GLDC: variants seen among roughly 807,000 people sequenced by gnomAD.
GLDC encodes the protein glycine dehydrogenase (decarboxylating), mitochondrial.
A neutral mutation model predicts 121.3 loss-of-function variants in GLDC; 104 were observed. That is an observed-to-expected ratio of 0.86 (90% CI 0.73 to 1.01). The LOEUF (loss-of-function observed/expected upper bound fraction) is 1.01, where lower values mean the gene tolerates loss of function less well. GLDC is among the 50% of genes least tolerant of loss of function. GLDC has a pLI of 0.00. For missense variants in GLDC, 1,429 were observed against 1,306.6 expected (o/e 1.09, Z -1.44); for synonymous variants, 546 against 480.6 (o/e 1.14, Z -1.78).
intron 14 of GLDC, among the ~76,000 whole-genome samples, chr9:6,588,105 T>C (rs533948890): frequency 9.3e-6 from 1 of 108,096 alleles, no homozygotes; most frequent in South Asian, 3.5e-4. Context: ...GCTTTTAATA[T>C]GACAGGTTTA....
intron 21 of GLDC, among the ~76,000 whole-genome samples, chr9:6,549,564 T>C (rs1354894176): frequency 6.6e-6 from 1 of 152,126 alleles, no homozygotes; most frequent in East Asian, 1.9e-4. Context: ...GGCGTTTTGT[T>C]CTGGCTTCTC....
At chr9:6,588,998 G>A (rs1025428674) in intron 12 of GLDC, among the ~76,000 whole-genome samples, 197 bp downstream of exon 12, 4 of 152,174 alleles carry the variant, frequency 2.6e-5, no homozygotes, top group African/African-American at 9.6e-5. Context: ...TGACTGCCAA[G>A]GGAGCAGAGC....
chr9:6,605,400 C>T (rs1818709583), intron 5 of GLDC, 122 bp from the exon 6 acceptor site: 4 of 920,404 alleles, frequency 4.3e-6, no homozygotes, highest in Non-Finnish European at 6.9e-6. Context: ...CCTCCCACCC[C>T]TGCCCACATC....
intron 18 of GLDC, among the ~76,000 whole-genome samples, chr9:6,555,234 G>T (rs568259255): frequency 6.6e-6 from 1 of 152,318 alleles, no homozygotes; most frequent in East Asian, 1.9e-4. Context: ...GATGGAAGGG[G>T]CTGCGGGGGC....
At chr9:6,544,807 A>C (rs1292309198) in intron 21 of GLDC, among the ~76,000 whole-genome samples, 1 of 152,168 alleles carries the variant, frequency 6.6e-6, no homozygotes. Context: ...CTTCCTTTAA[A>C]ATGTATCAAC....
chr9:6,532,902 T>C lies in GLDC; in HGVS notation c.*115A>G. The stretch of plus-strand genomic sequence containing the variant: ...TACCTTGACAGAGATTACAGAGATA[T>C]ACACAGTATATAAAACTCCTACTTG... On this transcript the variant is annotated 3_prime_UTR_variant, in exon 25 of 25. Coordinates refer to ENST00000321612, the MANE Select transcript of GLDC (RefSeq NM_000170.3). 2 of 797,376 alleles carry C rather than the reference T, an allele frequency of 2.5e-6. No homozygotes were observed. Among genetic ancestry groups the C allele is most frequent in the Non-Finnish European group, 4.5e-6 (2 of 441,352 alleles). The allele number at this position is 797,376 out of a possible 1,614,324, so 49.4% of individuals were successfully genotyped here.
chr9:6,547,841 A>G (rs1353161996), intron 21 of GLDC, among the ~76,000 whole-genome samples: 1 of 152,148 alleles, frequency 6.6e-6, no homozygotes, highest in Non-Finnish European at 1.5e-5. Flanking sequence ...TAAAAACTGT[A>G]TTTGTAGGCC....
intron 2 of GLDC, among the ~76,000 whole-genome samples, chr9:6,624,879 T>C (rs1819198835): frequency 1.3e-5 from 2 of 151,968 alleles, no homozygotes; most frequent in Non-Finnish European, 2.9e-5. Flanking sequence ...TCCCAGCTAC[T>C]TGGGAGGCTG....
At position 6,606,669 on chromosome 9, in the gene GLDC, T is replaced by C. The variant is rs762907682; in HGVS notation, c.636A>G (p.Arg212=). The part of the protein sequence containing the change: ...AAAEALQLCY[R]HNKRRKFLVD... ...CGAGAAATTTCCTCCTCTTGTTGTGTCTGTTGAAAAGAAAAAGCACATTCC... is the reference window on the plus strand; with the variant it reads ...CGAGAAATTTCCTCCTCTTGTTGTGCCTGTTGAAAAGAAAAAGCACATTCC... The change falls in exon 5 of 25, where the codon AGA becomes AGG. Residue 212 remains arginine, a splice_region_variant and synonymous_variant. Transcript: ENST00000321612. 1.1e-5 allele frequency: 17 copies of C among 1,589,504 alleles called. No homozygotes were observed. The highest frequency in any genetic ancestry group is 1.7e-5 in the Admixed American group (1 of 59,974).
rs1207723641 is a variant in GLDC at position 6,592,949 on chromosome 9, A to G, written c.1303T>C (p.Phe435Leu). 6.2e-7 allele frequency: 1 copy of G among 1,614,156 alleles called. No homozygotes were observed. Among genetic ancestry groups the G allele is most frequent in the East Asian group, 2.2e-5 (1 of 44,882 alleles). The change falls in exon 10 of 25, where the codon TTT becomes CTT. Residue 435 changes from phenylalanine (F) to leucine (L), a missense_variant. Physicochemically the swap from Phe to Leu is conservative, Grantham distance 22. Coordinates refer to ENST00000321612, the MANE Select transcript of GLDC (RefSeq NM_000170.3). ...CCACACTGAATCTTCAAGGTATCAA[A>G]GAACAGGTCATGCTGGAGTTGATGC... is the stretch of plus-strand genomic sequence containing the variant. ...AGHQLQHDLF[F>L]DTLKIQCGCS...
chr9:6,613,992 G>C (rs958363590), intron 3 of GLDC, among the ~76,000 whole-genome samples: 1 of 152,072 alleles, frequency 6.6e-6, no homozygotes, highest in African/African-American at 2.4e-5. Context: ...GGCCAGGCTG[G>C]TCTCGAACTC....
chr9:6,633,923 G>A (rs1466287593), intron 2 of GLDC, among the ~76,000 whole-genome samples: 2 of 136,222 alleles, frequency 1.5e-5, no homozygotes, highest in African/African-American at 2.8e-5. Flanking sequence ...TGTGCCTCCC[G>A]GGTTCACGCC....
chr9:6,578,724 G>C (rs986729688), intron 15 of GLDC, among the ~76,000 whole-genome samples: 2 of 151,930 alleles, frequency 1.3e-5, no homozygotes, highest in Non-Finnish European at 2.9e-5. Flanking sequence ...GGAGAGATGA[G>C]GTCTTGCTAT....
chr9:6,592,241 A>G lies in GLDC; in HGVS notation c.1402-18T>C. ...ATACCAAGCTACAGAAACACAAACA[A>G]AATGGAAAACATCAACTCTAAACTC... On this transcript the variant is annotated intron_variant, in intron 10 of 24. Coordinates refer to ENST00000321612, the MANE Select transcript of GLDC (RefSeq NM_000170.3). 1 of 1,495,780 alleles carries G rather than the reference A, an allele frequency of 6.7e-7. No homozygotes were observed. Among genetic ancestry groups the G allele is most frequent in the Non-Finnish European group, 9.3e-7 (1 of 1,073,152 alleles). The allele number at this position is 1,495,780 out of a possible 1,614,324, so 92.7% of individuals were successfully genotyped here. A position where few individuals can be genotyped will look rare whatever the true frequency, so the allele number is the denominator to read the frequency against.
rs1371748206 is a variant in GLDC, at chr9:6,534,702, A to C, written c.2919+6T>G. Reference sequence around the variant, plus strand: ...CAGCTGGCACATTCAGATTCAGAGAACTTACGAGTGGGAATGCTGCCACCT... The same window carrying C: ...CAGCTGGCACATTCAGATTCAGAGACCTTACGAGTGGGAATGCTGCCACCT... On this transcript the variant is annotated splice_donor_region_variant and intron_variant, in intron 24 of 24. Coordinates refer to ENST00000321612, the MANE Select transcript of GLDC (RefSeq NM_000170.3). The C allele has an allele frequency of 1.3e-6, 2 of 1,518,252 alleles. No individual in the cohort carries two copies. The highest frequency in any genetic ancestry group is 2.2e-5 in the South Asian group (2 of 88,972). 94.0% of individuals were successfully genotyped at this position (1,518,252 alleles called of 1,614,324 possible).
At chr9:6,584,352 G>C (rs1818225197) in intron 15 of GLDC, among the ~76,000 whole-genome samples, 1 of 152,152 alleles carries the variant, frequency 6.6e-6, no homozygotes, top group African/African-American at 2.4e-5. Flanking sequence ...AGAAACCTGT[G>C]TTTCTTCTTA....
intron 7 of GLDC, among the ~76,000 whole-genome samples, chr9:6,604,019 C>A (rs1264735538): frequency 6.6e-6 from 1 of 152,010 alleles, no homozygotes. Flanking sequence ...TGAGCCACCG[C>A]ACCCAGCCCT....
intron 7 of GLDC, among the ~76,000 whole-genome samples, chr9:6,602,964 A>T (rs555728828): frequency 6.6e-6 from 1 of 152,190 alleles, no homozygotes; most frequent in Non-Finnish European, 1.5e-5. Flanking sequence ...ATGGTGGCTC[A>T]TGTCTATAAT....
chr9:6,590,171 A>C (rs1435008445), intron 11 of GLDC, among the ~76,000 whole-genome samples: 6 of 151,756 alleles, frequency 4.0e-5, no homozygotes, highest in Non-Finnish European at 2.9e-5. Context: ...AGATAAATTA[A>C]ATTTCTATAA....
Sources: gnomAD v4.1 joint callset for allele counts (sites outside exome capture counted in the v4.1 genomes callset) on GRCh38, gnomAD v4.1.1 for gene constraint, MANE v1.5 for transcripts, NCBI Gene and HGNC (gene_info 2026-07-23, HGNC 2026-07-21) for gene names.